The following SLC51A variants were observed in gnomAD, a reference collection of about 807,000 sequenced individuals.
SLC51A encodes the protein solute carrier family 51 member A, also known as organic solute transporter subunit alpha.
In SLC51A, 22 loss-of-function variants were observed where a neutral mutation model predicts 34.8. That is an observed-to-expected ratio of 0.63 (90% CI 0.45 to 0.90). SLC51A has a LOEUF of 0.90. Ranked by LOEUF, SLC51A falls within the 40% of genes least tolerant of loss-of-function variation. SLC51A has a pLI of 0.00. For missense variants in SLC51A, 371 were observed against 414.8 expected, an observed-to-expected ratio of 0.89 and a Z score of 0.92; for synonymous variants, 181 against 176.3, an observed-to-expected ratio of 1.03 and a Z score of -0.21.
chr3:196,228,235 C>T lies in SLC51A; in HGVS notation c.483C>T (p.Cys161=), dbSNP rs749546650. 33 of 1,613,404 alleles carry T rather than the reference C, an allele frequency of 2.0e-5. No homozygotes were observed. In the Middle Eastern group the frequency reaches 4.9e-4, roughly 24 times the overall value. ...TPMMVHTGPC[C]CCCPCCPRLL... ...TGATGGTCCACACAGGCCCCTGCTG[C>T]TGCTGCTGCCCCTGCTGTCCACGGC... Residue 161 remains cysteine, a synonymous_variant, in exon 5 of 9, where the codon TGC becomes TGT. Coordinates refer to ENST00000296327, the MANE Select transcript of SLC51A (RefSeq NM_152672.6). This position sits in a 1 kb window ranked among gnomAD's most constrained non-coding sequence, Gnocchi z 4.9.
chr3:196,228,927 C>CG lies in SLC51A; in HGVS notation c.633+10dup, dbSNP rs777474925. The CG allele has an allele frequency of 6.2e-6, 10 of 1,604,524 alleles. No homozygotes were observed. The South Asian group carries it at 9.9e-5, about 16-fold the overall frequency. The stretch of plus-strand genomic sequence containing the variant: ...CATCTATGACCCAGCAGACGTAAGC[C>CG]GGGAGTAAGGGACAGCACAGTCCAA... On this transcript the variant is annotated splice_region_variant and intron_variant, in intron 6 of 8. Transcript: ENST00000296327. The surrounding 1 kb of genome is among the most constrained non-coding windows in gnomAD (Gnocchi z 4.9).
At chr3:196,227,897 A>G (rs1266652334) in intron 4 of SLC51A, 160 bp downstream of exon 4, 1 of 920,532 alleles carries the variant, frequency 1.1e-6, no homozygotes, top group Admixed American at 2.7e-5. Context: ...GGAATGCCTC[A>G]TTTTGGCATC....
In SLC51A at chr3:196,228,634, G is replaced by C. The variant is rs1686893159; in HGVS notation, c.522-175G>C. ...TGTCTGGAGGTGAGTGGGAGACCAA[G>C]AGGGTTCCCAGCACTCTCAACATTC... On this transcript the variant is annotated intron_variant, in intron 5 of 8. Coordinates refer to ENST00000296327, the MANE Select transcript of SLC51A (RefSeq NM_152672.6). The surrounding 1 kb of genome is among the most constrained non-coding windows in gnomAD (Gnocchi z 4.9). 3 of 627,836 alleles carry C rather than the reference G, an allele frequency of 4.8e-6. No individual in the cohort carries two copies. The highest frequency in any genetic ancestry group is 8.5e-6 in the Non-Finnish European group (3 of 351,814). The allele number at this position is 627,836 out of a possible 1,614,324, so 38.9% of individuals were successfully genotyped here.
chr3:196,227,215 A>G, intron 3 of SLC51A, 96 bp downstream of exon 3: 1 of 763,468 alleles, frequency 1.3e-6, no homozygotes, highest in South Asian at 2.4e-5. Flanking sequence ...TTCGGCAAAG[A>G]GTGTCCTGCC....
rs140837522 is a variant in SLC51A, at chr3:196,226,966, C to T, written c.135C>T (p.Ala45=). The T allele has an allele frequency of 1.2e-4, 188 of 1,612,618 alleles. No homozygotes were observed. The African/African-American group carries it at 2.2e-3, about 19-fold the overall frequency. ...QPPTAAQLLR[A]LGPVELALTS... ...GCTCTCTGCCTTCTCCTCCTCTAGC[C>T]CTGGGCCCTGTGGAACTTGCCCTCA... The change falls in exon 3 of 9, where the codon GCC becomes GCT. Residue 45 remains alanine, a splice_region_variant and synonymous_variant. Coordinates refer to ENST00000296327, the MANE Select transcript of SLC51A (RefSeq NM_152672.6).
At chr3:196,229,894 A>G in intron 6 of SLC51A, 21 bp from the exon 7 acceptor site, 1 of 1,584,268 alleles carries the variant, frequency 6.3e-7, no homozygotes, top group African/African-American at 1.4e-5. Flanking sequence ...TGCCTCACTG[A>G]CTACTTTCTG....
intron 2 of SLC51A, among the ~76,000 whole-genome samples, chr3:196,219,355 C>T (rs1723683217): frequency 6.6e-6 from 1 of 152,234 alleles, no homozygotes. Flanking sequence ...AAATGTGACT[C>T]ACGCCTGCGT....
Position 196,228,103 on chromosome 3 carries a change from T to C in SLC51A, c.363-12T>C, listed in dbSNP as rs752035903. On this transcript the variant is annotated splice_polypyrimidine_tract_variant and intron_variant, in intron 4 of 8. Transcript: ENST00000296327. This position sits in a 1 kb window ranked among gnomAD's most constrained non-coding sequence, Gnocchi z 4.9. Reference sequence around the variant, plus strand: ...AGCAGACCTCGTAGGCCCTCTTCTCTCCCCACCCCAGGTTTTATGCCGTGT... The same window carrying C: ...AGCAGACCTCGTAGGCCCTCTTCTCCCCCCACCCCAGGTTTTATGCCGTGT... 6.2e-7 allele frequency: 1 copy of C among 1,610,074 alleles called. No homozygotes were observed. Among genetic ancestry groups the C allele is most frequent in the South Asian group, 1.1e-5 (1 of 90,446 alleles).
intron 2 of SLC51A, among the ~76,000 whole-genome samples, chr3:196,218,382 G>T (rs1723652220): frequency 6.6e-6 from 1 of 152,226 alleles, no homozygotes; most frequent in African/African-American, 2.4e-5. Flanking sequence ...TGAACCAGTT[G>T]TATTTGTTTT....
Position 196,228,865 on chromosome 3 carries a change from C to G in SLC51A, c.578C>G (p.Thr193Arg). ...TTCCAATACGCCTTCTTGAAGATAACGCTGACCCTGGTGGGCCTGTTTCTC... is the reference window on the plus strand; with the variant it reads ...TTCCAATACGCCTTCTTGAAGATAAGGCTGACCCTGGTGGGCCTGTTTCTC... ...GPFQYAFLKI[T>R]LTLVGLFLVP... is the part of the protein sequence containing the mutation. Residue 193 changes from threonine to arginine, a missense_variant, in exon 6 of 9, where the codon ACG becomes AGG. Coordinates refer to ENST00000296327, the MANE Select transcript of SLC51A (RefSeq NM_152672.6). The surrounding 1 kb of genome is among the most constrained non-coding windows in gnomAD (Gnocchi z 4.9). The G allele has an allele frequency of 6.2e-7, 1 of 1,614,190 alleles. No homozygotes were observed.
rs910623115 is a variant in SLC51A, at chr3:196,227,234, C to T, written c.288+115C>T. On this transcript the variant is annotated intron_variant, in intron 3 of 8. Coordinates refer to ENST00000296327, the MANE Select transcript of SLC51A (RefSeq NM_152672.6). The stretch of plus-strand genomic sequence containing the variant: ...GCAAAGAGTGTCCTGCCACGACCCG[C>T]GGAGGGCCGAGGTTTGCAGGCCGAC... 6.2e-5 allele frequency: 72 copies of T among 1,158,648 alleles called. No homozygotes were observed. The African/African-American group carries it at 9.8e-4, about 16-fold the overall frequency. The allele number at this position is 1,158,648 out of a possible 1,614,324, so 71.8% of individuals were successfully genotyped here.
chr3:196,232,561 G>T, intron 8 of SLC51A, 37 bp downstream of exon 8: 1 of 1,525,070 alleles, frequency 6.6e-7, no homozygotes, highest in South Asian at 1.1e-5. Flanking sequence ...TCGTGGGATG[G>T]ATGAGACGGG....
intron 2 of SLC51A, among the ~76,000 whole-genome samples, chr3:196,219,099 A>C (rs377243737): frequency 6.6e-6 from 1 of 152,008 alleles, no homozygotes; most frequent in African/African-American, 2.4e-5. Context: ...GGTGGCGGGC[A>C]CCTGTAATCC....
intron 2 of SLC51A, among the ~76,000 whole-genome samples, chr3:196,219,184 C>T (rs1308829915): frequency 6.6e-6 from 1 of 152,140 alleles, no homozygotes; most frequent in South Asian, 2.1e-4. Flanking sequence ...CGAGATCACG[C>T]CACTGCACTG....
In SLC51A at chr3:196,219,700, A is replaced by T. The variant is rs116861666; in HGVS notation, c.133+1764A>T. ...TTACACAGCAGCTGTCCCCCCAGGG[A>T]ATATTTGGCAGTGTCGGGAGACTTC... On this transcript the variant is annotated intron_variant, in intron 2 of 8. Coordinates refer to ENST00000296327, the MANE Select transcript of SLC51A (RefSeq NM_152672.6). 3.5e-4 allele frequency among the ~76,000 whole-genome samples: 54 copies of T among 152,282 alleles called. 2 individuals carry two copies. In the East Asian group the frequency reaches 9.1e-3, roughly 26 times the overall value.
chr3:196,220,383 G>C (rs1198503281), intron 2 of SLC51A, among the ~76,000 whole-genome samples: 1 of 152,116 alleles, frequency 6.6e-6, no homozygotes, highest in Non-Finnish European at 1.5e-5. Context: ...GATCATCTGC[G>C]GTCAAGAGTT....
intron 8 of SLC51A, 40 bp downstream of exon 8, chr3:196,232,564 G>A: frequency 6.7e-7 from 1 of 1,503,380 alleles, no homozygotes; most frequent in Non-Finnish European, 9.3e-7. Flanking sequence ...TGGGATGGAT[G>A]AGACGGGGAG....
At position 196,216,778 on chromosome 3, in the gene SLC51A, A is replaced by G; in HGVS notation, c.38+28A>G. On this transcript the variant is annotated intron_variant, in intron 1 of 8. Coordinates refer to ENST00000296327, the MANE Select transcript of SLC51A (RefSeq NM_152672.6). The surrounding 1 kb of genome is among the most constrained non-coding windows in gnomAD (Gnocchi z 4.5). Reference sequence around the variant, plus strand: ...AAGTGAGGGCGGCGGGCCCTGGGCCAGTCGCTGGGCAGCGGTGGCCCCTAT... The same window carrying G: ...AAGTGAGGGCGGCGGGCCCTGGGCCGGTCGCTGGGCAGCGGTGGCCCCTAT... 1 of 1,560,422 alleles carries G rather than the reference A, an allele frequency of 6.4e-7. No homozygotes were observed. Among genetic ancestry groups the G allele is most frequent in the East Asian group, 2.4e-5 (1 of 41,888 alleles).
chr3:196,229,022 A>G, intron 6 of SLC51A, 102 bp downstream of exon 6: 4 of 980,176 alleles, frequency 4.1e-6, no homozygotes, highest in Non-Finnish European at 6.4e-6. Flanking sequence ...AGGGCCCCAG[A>G]AAAGGGTGGC....
Sources: gnomAD v4.1 joint callset for allele counts (sites outside exome capture counted in the v4.1 genomes callset) on GRCh38, gnomAD v4.1.1 for gene constraint, Gnocchi (gnomAD v3.1) non-coding constraint, MANE v1.5 for transcripts, NCBI Gene and HGNC (gene_info 2026-07-23, HGNC 2026-07-21) for gene names.